LACTB: variants seen among roughly 807,000 people sequenced by gnomAD.
LACTB encodes the protein serine beta-lactamase-like protein LACTB, mitochondrial.
In LACTB, 35 loss-of-function variants were observed where a neutral mutation model predicts 50.2. The observed-to-expected ratio is 0.70, with a 90% CI of 0.53 to 0.92. LACTB has a LOEUF of 0.92. LACTB is among the 40% of genes least tolerant of loss of function. The pLI is 0.00. For missense variants in LACTB, 664 were observed against 691.8 expected, an observed-to-expected ratio of 0.96 and a Z score of 0.45; for synonymous variants, 252 against 268.2, an observed-to-expected ratio of 0.94 and a Z score of 0.59.
rs149209101 is a variant in LACTB, at chr15:63,122,572, C to A, written c.358-64C>A. 1,758 of 1,325,806 alleles carry A rather than the reference C, an allele frequency of 1.3e-3. 24 individuals carry two copies. In the African/African-American group the frequency reaches 0.022, roughly 17 times the overall value. 82.1% of individuals were successfully genotyped at this position (1,325,806 alleles called of 1,614,324 possible). ...AGGGGGCGGGGCCTTGGAAGGTCCCCGAGGAGAGCGCTGGGCTTTTTCAGC... is the reference window on the plus strand; with the variant it reads ...AGGGGGCGGGGCCTTGGAAGGTCCCAGAGGAGAGCGCTGGGCTTTTTCAGC... On this transcript the variant is annotated intron_variant, in intron 1 of 5. Coordinates refer to ENST00000261893, the MANE Select transcript of LACTB (RefSeq NM_032857.5).
chr15:63,127,161 G>T (rs946787483), intron 3 of LACTB, 112 bp downstream of exon 3: 1 of 989,962 alleles, frequency 1.0e-6, no homozygotes, highest in Non-Finnish European at 1.5e-6. Flanking sequence ...TATTGTTAAT[G>T]TATTAGTTTT....
At chr15:63,138,649 C>T (rs1305802013) in intron 5 of LACTB, among the ~76,000 whole-genome samples, 1 of 152,148 alleles carries the variant, frequency 6.6e-6, no homozygotes, top group African/African-American at 2.4e-5. Context: ...ATTATAAAGT[C>T]TAGAAGTCTC....
intron 5 of LACTB, among the ~76,000 whole-genome samples, chr15:63,133,009 A>C (rs1161455317): frequency 6.6e-6 from 1 of 152,182 alleles, no homozygotes; most frequent in Non-Finnish European, 1.5e-5. Flanking sequence ...TTTTAAATAT[A>C]AACTATCAAG....
intron 4 of LACTB, among the ~76,000 whole-genome samples, chr15:63,128,847 G>A (rs1464298828): frequency 6.6e-6 from 1 of 152,030 alleles, no homozygotes; most frequent in South Asian, 2.1e-4. Context: ...GGGTTTAAGC[G>A]ATTTTCCTTC....
chr15:63,121,939 G>A lies in LACTB; in HGVS notation c.68G>A (p.Gly23Glu). Reference sequence around the variant, plus strand: ...CCCGGGGGCTTGGCCTCAAGCTGCGGACGACGCGGGGTCCATCAGCGCGCC... The same window carrying A: ...CCCGGGGGCTTGGCCTCAAGCTGCGAACGACGCGGGGTCCATCAGCGCGCC... ...AAPGGLASSC[G>E]RRGVHQRAGL... The change falls in exon 1 of 6, where the codon GGA becomes GAA. Residue 23 changes from glycine (G) to glutamate (E), a missense_variant. Physicochemically the swap from Gly to Glu is moderately conservative, Grantham distance 98. Transcript: ENST00000261893. The A allele has an allele frequency of 1.4e-6, 2 of 1,420,548 alleles. No individual in the cohort carries two copies. The highest frequency in any genetic ancestry group is 1.8e-6 in the Non-Finnish European group (2 of 1,094,166). 88.0% of individuals were successfully genotyped at this position (1,420,548 alleles called of 1,614,324 possible).
chr15:63,122,355 C>G, intron 1 of LACTB, 127 bp downstream of exon 1: 1 of 851,764 alleles, frequency 1.2e-6, no homozygotes, highest in Non-Finnish European at 1.8e-6. Flanking sequence ...GAAAGACTTC[C>G]CATTTCCCCA....
intron 2 of LACTB, among the ~76,000 whole-genome samples, chr15:63,124,415 T>G (rs1274405850): frequency 6.6e-6 from 1 of 152,216 alleles, no homozygotes; most frequent in Non-Finnish European, 1.5e-5. Context: ...CCTCAGCGCC[T>G]GGGTGGCTTG....
Position 63,122,112 on chromosome 15 carries a change from G to T in LACTB, c.241G>T (p.Glu81Ter). The T allele has an allele frequency of 2.7e-6, 4 of 1,479,086 alleles. No individual in the cohort carries two copies. The highest frequency in any genetic ancestry group is 3.6e-6 in the Non-Finnish European group (4 of 1,122,770). The allele number at this position is 1,479,086 out of a possible 1,614,324, so 91.6% of individuals were successfully genotyped here. A position where few individuals can be genotyped will look rare whatever the true frequency, so the allele number is the denominator to read the frequency against. ...CGACCCTGAGGCGTCGCCTCTGGCC[G>T]AGCCGCCACAGGAGCAGTCCCTCGC... ...APDPEASPLAEPPQEQSLAPW... is the reference protein window; with the variant it reads ...APDPEASPLA Residue 81 changes from glutamate to a stop codon, truncating the protein, a stop_gained, in exon 1 of 6, where the codon GAG (glutamate) becomes TAG (stop). Coordinates refer to ENST00000261893, the MANE Select transcript of LACTB (RefSeq NM_032857.5). LOFTEE classifies it high-confidence loss of function.
chr15:63,131,016 G>A (rs1050741910), intron 5 of LACTB: 3 of 152,266 alleles, frequency 2.0e-5, no homozygotes, highest in Admixed American at 6.5e-5. Flanking sequence ...GGTGCGGGCC[G>A]GGGCGGTGGC....
chr15:63,122,044 G>T lies in LACTB; in HGVS notation c.173G>T (p.Gly58Val). 7.0e-7 allele frequency: 1 copy of T among 1,421,588 alleles called. No homozygotes were observed. The highest frequency in any genetic ancestry group is 9.1e-7 in the Non-Finnish European group (1 of 1,096,526). The allele number at this position is 1,421,588 out of a possible 1,614,324, so 88.1% of individuals were successfully genotyped here. The change falls in exon 1 of 6, where the codon GGT (glycine) becomes GTT (valine). Residue 58 changes from glycine to valine, a missense_variant. Transcript: ENST00000261893. ...LGLALGVKLA[G>V]GLRGAAPAQS... Reference sequence around the variant, plus strand: ...CTGGCGCTCGGGGTGAAGCTGGCAGGTGGGCTGAGGGGCGCGGCCCCGGCG... The same window carrying T: ...CTGGCGCTCGGGGTGAAGCTGGCAGTTGGGCTGAGGGGCGCGGCCCCGGCG...
chr15:63,141,474 AAAC>A lies in LACTB; in HGVS notation c.1316_1318del (p.Thr439del), dbSNP rs1566994551. The stretch of plus-strand genomic sequence containing the variant: ...CTTTTACCTGGATACCTCAAACCAG[AAAC>A]AATGGTTATGATGTGGACCCCAGTC... On this transcript the variant is annotated inframe_deletion, in exon 6 of 6. Coordinates refer to ENST00000261893, the MANE Select transcript of LACTB (RefSeq NM_032857.5). 1.9e-6 allele frequency: 3 copies of A among 1,614,224 alleles called. No individual in the cohort carries two copies. Among genetic ancestry groups the A allele is most frequent in the Non-Finnish European group, 2.5e-6 (3 of 1,180,016 alleles).
chr15:63,132,100 AC>A (rs2141074672), intron 5 of LACTB, among the ~76,000 whole-genome samples: 1 of 152,338 alleles, frequency 6.6e-6, no homozygotes, highest in South Asian at 2.1e-4. Flanking sequence ...CAGGTTTGTT[AC>A]ATGGATATTA....
intron 2 of LACTB, among the ~76,000 whole-genome samples, chr15:63,123,643 G>C (rs1273165091): frequency 6.6e-6 from 1 of 152,194 alleles, no homozygotes; most frequent in Admixed American, 6.5e-5. Flanking sequence ...TAAAGAGTGT[G>C]GGTCATCTCC....
rs1186597652 is a variant in LACTB at position 63,127,403 on chromosome 15, TTATGAAA to T, written c.667_673del (p.Tyr223ArgfsTer3). The stretch of plus-strand genomic sequence containing the variant: ...TTTCCCATTTAAGTGGAATTCGTCA[TTATGAAA>T]AGGACATAAAAAAGGTGAAAGAAGA... On this transcript the variant is annotated frameshift_variant, in exon 4 of 6. Transcript: ENST00000261893. LOFTEE classifies it high-confidence loss of function. 2 of 1,587,918 alleles carry T rather than the reference TTATGAAA, an allele frequency of 1.3e-6. No individual in the cohort carries two copies. Among genetic ancestry groups the T allele is most frequent in the South Asian group, 2.3e-5 (2 of 85,200 alleles).
chr15:63,126,877 T>C lies in LACTB; in HGVS notation c.443T>C (p.Val148Ala). Reference protein sequence around the residue: ...VWSEGLGYADVENRVPCKPET... With the variant: ...VWSEGLGYADAENRVPCKPET... ...CCCAAAGGTTTAGGTTATGCTGATG[T>C]TGAGAACCGTGTACCATGTAAACCA... The change falls in exon 3 of 6, where the codon GTT (valine) becomes GCT (alanine). Residue 148 changes from valine (V) to alanine (A), a missense_variant. Physicochemically the swap from Val to Ala is moderately conservative, Grantham distance 64 (BLOSUM62 0). Transcript: ENST00000261893. 6.3e-7 allele frequency: 1 copy of C among 1,586,036 alleles called. No individual in the cohort carries two copies. Among genetic ancestry groups the C allele is most frequent in the Non-Finnish European group, 8.6e-7 (1 of 1,162,422 alleles).
At position 63,126,835 on chromosome 15, in the gene LACTB, ACTTTTTG is replaced by A. The variant is rs2037058939; in HGVS notation, c.425-17_425-11del. On this transcript the variant is annotated splice_polypyrimidine_tract_variant and intron_variant, in intron 2 of 5. Coordinates refer to ENST00000261893, the MANE Select transcript of LACTB (RefSeq NM_032857.5). ...TTGACCATGAAGCCTGTTAATAGTG[ACTTTTTG>A]CTTTTTTCCCCCAAAGGTTTAGGTT... is the stretch of plus-strand genomic sequence containing the variant. The A allele has an allele frequency of 6.2e-6, 9 of 1,452,894 alleles. No homozygotes were observed. Among genetic ancestry groups the A allele is most frequent in the Non-Finnish European group, 8.3e-6 (9 of 1,084,330 alleles). The allele number at this position is 1,452,894 out of a possible 1,614,324, so 90.0% of individuals were successfully genotyped here. A position where few individuals can be genotyped will look rare whatever the true frequency, so the allele number is the denominator to read the frequency against.
chr15:63,129,410 T>A, intron 4 of LACTB, 75 bp from the exon 5 acceptor site: 1 of 1,280,620 alleles, frequency 7.8e-7, no homozygotes. Context: ...CAATTTTCAG[T>A]GGGAATATAT....
At chr15:63,140,237 A>C (rs1259275350) in intron 5 of LACTB, among the ~76,000 whole-genome samples, 1 of 152,322 alleles carries the variant, frequency 6.6e-6, no homozygotes, top group East Asian at 1.9e-4. Flanking sequence ...TGAGGGCCTA[A>C]AATTTGAGAG....
At chr15:63,139,194 C>CAA (rs57605763) in intron 5 of LACTB, among the ~76,000 whole-genome samples, 918 of 17,146 alleles carry the variant, frequency 0.054, 43 homozygotes, top group African/African-American at 0.11. Context: ...ACTAAAAATC[C>CAA]AAAAAAAAAA....
Sources: gnomAD v4.1 joint callset for allele counts (sites outside exome capture counted in the v4.1 genomes callset) on GRCh38, gnomAD v4.1.1 for gene constraint, MANE v1.5 for transcripts, NCBI Gene and HGNC (gene_info 2026-07-23, HGNC 2026-07-21) for gene names.